Variants in RIPOR3 observed in about 807,000 individuals in gnomAD.
RIPOR3 encodes the protein family with sequence similarity 65 member C.
In RIPOR3, 95 loss-of-function variants were observed where a neutral mutation model predicts 114.3. That is an observed-to-expected ratio of 0.83 (90% CI 0.70 to 0.99). The LOEUF is 0.99. RIPOR3 is among the 50% of genes least tolerant of loss of function. The pLI, the probability that RIPOR3 is intolerant of heterozygous loss-of-function variation, is 0.00. For synonymous variants in RIPOR3, 575 were observed against 543.8 expected, an observed-to-expected ratio of 1.06 and a Z score of -0.80; for missense variants, 1,252 against 1,266.9, an observed-to-expected ratio of 0.99 and a Z score of 0.18.
chr20:50,587,304 C>T lies in RIPOR3; in HGVS notation c.2781G>A (p.Lys927=), dbSNP rs370094079. 2 of 1,614,186 alleles carry T rather than the reference C, an allele frequency of 1.2e-6. No homozygotes were observed. The highest frequency in any genetic ancestry group is 1.7e-6 in the Non-Finnish European group (2 of 1,180,040). The change falls in exon 22 of 22, where the codon AAG becomes AAA. Residue 927 remains lysine, a synonymous_variant. Coordinates refer to ENST00000327979, the MANE Select transcript of RIPOR3 (RefSeq NM_001290268.2). ...TTTGTTCTGAGCAGAGCTTGTCCAT[C>T]TTCTCAAAAGCTAACCGTCCTTTTT... ...FGEKGRLAFE[K]MDKLCSEQRE... is the part of the protein sequence containing the mutation.
In RIPOR3 at chr20:50,587,196, A is replaced by G; in HGVS notation, c.*36T>C. On this transcript the variant is annotated 3_prime_UTR_variant, in exon 22 of 22. Transcript: ENST00000327979. The stretch of plus-strand genomic sequence containing the variant: ...GTCCAGGCTGGGCAGCAGCAAAAAA[A>G]ACGATGTGAGATTTGTGCTCATCAG... 6.4e-7 allele frequency: 1 copy of G among 1,563,230 alleles called. No homozygotes were observed. Among genetic ancestry groups the G allele is most frequent in the Non-Finnish European group, 8.8e-7 (1 of 1,134,190 alleles).
chr20:50,675,304 G>C (rs1405901050), intron 1 of RIPOR3, among the ~76,000 whole-genome samples: 2 of 152,198 alleles, frequency 1.3e-5, no homozygotes, highest in Admixed American at 6.5e-5. Context: ...AGTTGGAGGT[G>C]CTTCATTACA....
Position 50,594,917 on chromosome 20 carries a change from C to A in RIPOR3, c.2051-203G>T. 3 of 563,188 alleles carry A rather than the reference C, an allele frequency of 5.3e-6. No individual in the cohort carries two copies. The Admixed American group carries it at 9.2e-5, about 17-fold the overall frequency. The allele number at this position is 563,188 out of a possible 1,614,324, so 34.9% of individuals were successfully genotyped here. ...CTTACCAGGGCCACCACCTGCAGTC[C>A]CCACAACAACCTGGGAGGGGCTGCT... is the stretch of plus-strand genomic sequence containing the variant. On this transcript the variant is annotated intron_variant, in intron 16 of 21. Coordinates refer to ENST00000327979, the MANE Select transcript of RIPOR3 (RefSeq NM_001290268.2).
At chr20:50,654,429 T>G (rs929749524) in intron 1 of RIPOR3, among the ~76,000 whole-genome samples, 5 of 130,794 alleles carry the variant, frequency 3.8e-5, no homozygotes, top group South Asian at 2.8e-4. Context: ...AGAGTTTTTT[T>G]TTTTTTTTTT....
chr20:50,660,103 G>A (rs972403972), intron 1 of RIPOR3: 9 of 152,310 alleles, frequency 5.9e-5, no homozygotes, highest in African/African-American at 2.2e-4. Context: ...GATGTGGGGT[G>A]GTCATTCTGG....
intron 1 of RIPOR3, among the ~76,000 whole-genome samples, chr20:50,631,120 C>G (rs1383673086): frequency 6.6e-6 from 1 of 152,166 alleles, no homozygotes; most frequent in Non-Finnish European, 1.5e-5. Flanking sequence ...CCGGGCAATG[C>G]TGCCTCCCAG....
At chr20:50,627,017 GAAA>G (rs1193955700) in intron 2 of RIPOR3, among the ~76,000 whole-genome samples, 1 of 123,040 alleles carries the variant, frequency 8.1e-6, no homozygotes, top group Non-Finnish European at 1.8e-5. Context: ...TCCGTCTCAA[GAAA>G]AAAAAAAAAA....
chr20:50,690,397 A>G (rs117246187), intron 1 of RIPOR3, among the ~76,000 whole-genome samples: 8,999 of 152,174 alleles, frequency 0.059, 334 homozygotes, highest in South Asian at 0.12. Flanking sequence ...TCAAGCCTGG[A>G]GCCCCTGCCC....
intron 21 of RIPOR3, 140 bp downstream of exon 21, chr20:50,587,662 T>C (rs1479051233): frequency 9.2e-6 from 7 of 764,856 alleles, no homozygotes; most frequent in Non-Finnish European, 1.5e-5. Context: ...GGAGGTCGGC[T>C]CTGTGCCAGG....
At chr20:50,592,690 A>G (rs1244452560) in intron 18 of RIPOR3, 144 bp from the exon 19 acceptor site, 16 of 743,606 alleles carry the variant, frequency 2.2e-5, no homozygotes, top group Non-Finnish European at 3.2e-5. Flanking sequence ...AGCCTGGACT[A>G]ATTTCACAGG....
chr20:50,655,561 C>T (rs2085779874), intron 1 of RIPOR3, among the ~76,000 whole-genome samples: 1 of 152,188 alleles, frequency 6.6e-6, no homozygotes, highest in South Asian at 2.1e-4. Context: ...ATATTTATTT[C>T]ACTGAGCTCT....
chr20:50,645,892 C>T (rs940609648), intron 1 of RIPOR3: 18 of 152,344 alleles, frequency 1.2e-4, no homozygotes, highest in African/African-American at 4.3e-4. Context: ...CAGAGGTAAA[C>T]AATTTACAAG....
chr20:50,605,789 A>AG (rs1314601437), intron 11 of RIPOR3, among the ~76,000 whole-genome samples: 70 of 127,714 alleles, frequency 5.5e-4, no homozygotes, highest in African/African-American at 1.7e-3. Flanking sequence ...AAAAAAAAAG[A>AG]AAAAAAAAAA....
At chr20:50,652,307 G>A (rs180758797) in intron 1 of RIPOR3, among the ~76,000 whole-genome samples, 111 of 152,218 alleles carry the variant, frequency 7.3e-4, no homozygotes, top group African/African-American at 2.5e-3. Flanking sequence ...AGAAATCACC[G>A]AGGCTGGGCA....
chr20:50,673,988 T>C (rs113729611), intron 1 of RIPOR3, among the ~76,000 whole-genome samples: 1,812 of 152,326 alleles, frequency 0.012, 29 homozygotes, highest in African/African-American at 0.041. Context: ...AGCTCTGCCA[T>C]GCACAGGAGT....
At chr20:50,644,848 T>A (rs1568917268) in intron 1 of RIPOR3, among the ~76,000 whole-genome samples, 1 of 150,328 alleles carries the variant, frequency 6.7e-6, no homozygotes, top group Admixed American at 6.6e-5. Context: ...TTTTTTATTT[T>A]TTTTTTTTGA....
chr20:50,683,499 T>C (rs1330738883), intron 1 of RIPOR3, among the ~76,000 whole-genome samples: 3 of 151,398 alleles, frequency 2.0e-5, no homozygotes, highest in Non-Finnish European at 4.4e-5. Context: ...ATTGGCCAGG[T>C]TGGAGTGCAG....
intron 1 of RIPOR3, among the ~76,000 whole-genome samples, chr20:50,668,856 C>CAAAA (rs771469226): frequency 7.6e-6 from 1 of 131,322 alleles, no homozygotes. Flanking sequence ...GACTCCATCT[C>CAAAA]AAAAAAAAAA....
At chr20:50,616,131 A>G (rs1309690165) in intron 3 of RIPOR3, 51 bp from the exon 4 acceptor site, 6 of 1,568,278 alleles carry the variant, frequency 3.8e-6, no homozygotes, top group Admixed American at 3.7e-5. Flanking sequence ...GAAGAAAGGG[A>G]AAGGAAGTAG....
Sources: gnomAD v4.1 joint callset for allele counts (sites outside exome capture counted in the v4.1 genomes callset) on GRCh38, gnomAD v4.1.1 for gene constraint, MANE v1.5 for transcripts, NCBI Gene and HGNC (gene_info 2026-07-23, HGNC 2026-07-21) for gene names.